The following UGGT2 variants were observed in gnomAD, a reference collection of about 807,000 sequenced individuals.
UGGT2 encodes the protein UDP-glucose glycoprotein glucosyltransferase 2, also known as UDP-glucose:glycoprotein glucosyltransferase 2.
In UGGT2, 180 loss-of-function variants were observed where a neutral mutation model predicts 192.1. That is an observed-to-expected ratio of 0.94 (90% CI 0.83 to 1.06). The LOEUF is 1.06. UGGT2 is among the 50% of genes least tolerant of loss of function. The pLI is 0.00. For missense variants in UGGT2, 1,849 were observed against 1,795.7 expected (o/e 1.03, Z -0.54); for synonymous variants, 580 against 591.0 (o/e 0.98, Z 0.27).
chr13:95,836,729 G>A (rs1448937436), intron 37 of UGGT2, among the ~76,000 whole-genome samples: 2 of 152,180 alleles, frequency 1.3e-5, no homozygotes, highest in Admixed American at 1.3e-4. Context: ...AGCTTGTCCC[G>A]TGTGATATCA....
intron 36 of UGGT2, among the ~76,000 whole-genome samples, chr13:95,838,885 G>A (rs1594114077): frequency 6.6e-6 from 1 of 151,692 alleles, no homozygotes; most frequent in African/African-American, 2.4e-5. Flanking sequence ...TTGATTTTTG[G>A]CTCACTCCAC....
At chr13:95,912,502 A>G (rs145259349) in intron 20 of UGGT2, among the ~76,000 whole-genome samples, 2,517 of 152,260 alleles carry the variant, frequency 0.017, 71 homozygotes, top group African/African-American at 0.058. Flanking sequence ...TACAAAGAGA[A>G]TAAAATACCT....
intron 1 of UGGT2, among the ~76,000 whole-genome samples, chr13:96,042,663 C>T (rs1424734138): frequency 3.3e-5 from 5 of 150,650 alleles, no homozygotes; most frequent in Non-Finnish European, 4.4e-5. Context: ...AAATAGATTG[C>T]ATAAATAAAA....
intron 36 of UGGT2, among the ~76,000 whole-genome samples, chr13:95,847,070 T>G (rs1391225031): frequency 6.6e-6 from 1 of 150,832 alleles, no homozygotes; most frequent in Non-Finnish European, 1.5e-5. Flanking sequence ...TCTTTTTTTT[T>G]TTTATTTTAC....
chr13:95,999,373 G>T (rs1244373588), intron 5 of UGGT2, 66 bp from the exon 6 acceptor site: 3 of 1,386,526 alleles, frequency 2.2e-6, no homozygotes, highest in Non-Finnish European at 3.1e-6. Context: ...TTTAAAGTCA[G>T]TACCACGATG....
chr13:96,050,468 A>T (rs2053452116), intron 1 of UGGT2, among the ~76,000 whole-genome samples: 1 of 152,242 alleles, frequency 6.6e-6, no homozygotes, highest in South Asian at 2.1e-4. Context: ...ACAAAAGCCA[A>T]AACTGACAAA....
intron 29 of UGGT2, among the ~76,000 whole-genome samples, chr13:95,873,063 T>C (rs2140141259): frequency 6.6e-6 from 1 of 152,318 alleles, no homozygotes; most frequent in Middle Eastern, 3.4e-3. Context: ...CAGAAGGGAT[T>C]TGCCTCACAA....
At chr13:95,897,755 CCA>C (rs1266282325) in intron 22 of UGGT2, among the ~76,000 whole-genome samples, 3 of 152,236 alleles carry the variant, frequency 2.0e-5, no homozygotes, top group African/African-American at 4.8e-5. Context: ...TCTATTAAAA[CCA>C]CAGTTATACA....
chr13:95,996,797 T>G (rs1388150884), intron 6 of UGGT2, among the ~76,000 whole-genome samples: 1 of 152,124 alleles, frequency 6.6e-6, no homozygotes, highest in African/African-American at 2.4e-5. Flanking sequence ...TAAATATGAG[T>G]TCCTACATAT....
rs751665719 is a variant in UGGT2 at position 95,927,069 on chromosome 13, CTCTTA to C, written c.2154_2158del (p.Asp718GlufsTer16). 6.8e-6 allele frequency: 11 copies of C among 1,611,310 alleles called. No individual in the cohort carries two copies. The highest frequency in any genetic ancestry group is 3.3e-5 in the South Asian group (3 of 90,522). On this transcript the variant is annotated frameshift_variant, in exon 19 of 39. Transcript: ENST00000376747. LOFTEE classifies it high-confidence loss of function. ...ATACATGTTCTTTGCAATTACAGCA[CTCTTA>C]TCTTGTGAATCCAAGAAAAAGAAAG... is the stretch of plus-strand genomic sequence containing the variant.
chr13:95,921,348 TG>T (rs1423409544), intron 20 of UGGT2, among the ~76,000 whole-genome samples: 1 of 73,184 alleles, frequency 1.4e-5, no homozygotes, highest in African/African-American at 3.7e-5. Context: ...CTCTTAAAGT[TG>T]AAAAAAAAAA....
intron 38 of UGGT2, among the ~76,000 whole-genome samples, chr13:95,802,800 A>G (rs1459771781): frequency 6.6e-6 from 1 of 150,892 alleles, no homozygotes; most frequent in Non-Finnish European, 1.5e-5. Context: ...ACAGCCTGGT[A>G]TTAGCTATCC....
intron 33 of UGGT2, 108 bp from the exon 34 acceptor site, chr13:95,856,448 C>T (rs1419919488): frequency 1.8e-6 from 2 of 1,129,452 alleles, no homozygotes; most frequent in Middle Eastern, 2.2e-4. Flanking sequence ...TTGTTATAAA[C>T]TAATAGGCAA....
chr13:95,988,703 G>T (rs923532397), intron 8 of UGGT2, among the ~76,000 whole-genome samples: 1 of 152,102 alleles, frequency 6.6e-6, no homozygotes, highest in African/African-American at 2.4e-5. Context: ...AAGAATAGCA[G>T]AAGTTATAAA....
At position 95,907,314 on chromosome 13, in the gene UGGT2, A is replaced by C. The variant is rs551143754; in HGVS notation, c.2296-4254T>G. The stretch of plus-strand genomic sequence containing the variant: ...GCGAGGCCTACTGCCTCTAAACTCC[A>C]CCTGTGTGGGCAGGGCTTAGCAGAA... On this transcript the variant is annotated intron_variant, in intron 20 of 38. Coordinates refer to ENST00000376747, the MANE Select transcript of UGGT2 (RefSeq NM_020121.4). 7.2e-5 allele frequency among the ~76,000 whole-genome samples: 11 copies of C among 152,236 alleles called. 1 individual carries two copies. In the South Asian group the frequency reaches 2.1e-3, roughly 29 times the overall value.
chr13:95,845,377 CTGG>C lies in UGGT2; in HGVS notation c.4284+8163_4284+8165del, dbSNP rs1888299007. 4.7e-5 allele frequency among the ~76,000 whole-genome samples: 2 copies of C among 42,186 alleles called. 1 individual carries two copies. The highest frequency in any genetic ancestry group is 1.4e-4 in the Non-Finnish European group (2 of 14,752). The allele number at this position is 42,186 out of a possible 152,430, so 27.7% of individuals were successfully genotyped here. ...ACTTGAGATTAGGGAGTGGTGATGA[CTGG>C]TATGCTGCCTTCAAGCATCTGTTTA... On this transcript the variant is annotated intron_variant, in intron 36 of 38. Coordinates refer to ENST00000376747, the MANE Select transcript of UGGT2 (RefSeq NM_020121.4).
intron 29 of UGGT2, among the ~76,000 whole-genome samples, chr13:95,876,175 C>T (rs1458529540): frequency 6.6e-6 from 1 of 152,172 alleles, no homozygotes; most frequent in East Asian, 1.9e-4. Context: ...TCTACTATGG[C>T]TCACTGAAGA....
intron 29 of UGGT2, among the ~76,000 whole-genome samples, chr13:95,871,324 G>C (rs1371228251): frequency 3.3e-5 from 5 of 152,106 alleles, no homozygotes; most frequent in Non-Finnish European, 5.9e-5. Flanking sequence ...CCCTCAGAGA[G>C]ATAAAGCATA....
intron 17 of UGGT2, among the ~76,000 whole-genome samples, chr13:95,933,538 T>C (rs984164575): frequency 6.6e-6 from 1 of 152,200 alleles, no homozygotes; most frequent in African/African-American, 2.4e-5. Flanking sequence ...GTATAAATTT[T>C]TGGGTCTCAA....
Sources: allele counts gnomAD v4.1 joint callset (sites outside exome capture counted in the v4.1 genomes callset), GRCh38; gene constraint gnomAD v4.1.1; transcripts MANE v1.5; gene names NCBI Gene and HGNC (gene_info 2026-07-23, HGNC 2026-07-21).